The following FMN2 variants were observed in gnomAD, a reference collection of about 807,000 sequenced individuals.
FMN2 encodes formin 2.
In FMN2, 51 loss-of-function variants were observed where a neutral mutation model predicts 142.3. That is an observed-to-expected ratio of 0.36 (90% CI 0.29 to 0.45). The LOEUF (loss-of-function observed/expected upper bound fraction) is 0.45. FMN2 is among the 20% of genes least tolerant of loss of function. FMN2 has a pLI of 1.00. For missense variants in FMN2, 1,936 were observed against 2,122.8 expected (o/e 0.91, Z 1.73); for synonymous variants, 882 against 869.8 (o/e 1.01, Z -0.25).
chr1:240,352,068 G>A (rs545394590), intron 13 of FMN2, among the ~76,000 whole-genome samples: 2 of 152,314 alleles, frequency 1.3e-5, no homozygotes, highest in East Asian at 3.9e-4. Context: ...ATCAGTCAAG[G>A]TGAGAGATTA....
Position 240,295,227 on chromosome 1 carries a change from C to G in FMN2, c.4215+344C>G, listed in dbSNP as rs1225923116. ...ACACACACACACACACACACACACT[C>G]ACACACACTTAAAATTTTAAAATAT... is the stretch of plus-strand genomic sequence containing the variant. On this transcript the variant is annotated intron_variant, in intron 8 of 17. Coordinates refer to ENST00000319653, the MANE Select transcript of FMN2 (RefSeq NM_020066.5). Among the ~76,000 whole-genome samples, 3 of 144,930 alleles carry G rather than the reference C, an allele frequency of 2.1e-5. No homozygotes were observed. The East Asian group carries it at 6.3e-4, about 31-fold the overall frequency.
intron 7 of FMN2, among the ~76,000 whole-genome samples, chr1:240,266,020 C>T (rs114095041): frequency 7.3e-6 from 1 of 136,404 alleles, no homozygotes; most frequent in Non-Finnish European, 1.5e-5. Flanking sequence ...CTGTTACTTC[C>T]TTTTTTTTTT....
At position 240,329,119 on chromosome 1, in the gene FMN2, G is replaced by T; in HGVS notation, c.4259G>T (p.Arg1420Leu). ...CTCGAAAAAATAGAAAAGCATGGCC[G>T]ATCTTCCAAAGACAAGGAAAATGCC... Reference protein sequence around the residue: ...DELEKIEKHGRSSKDKENAKS... With the variant: ...DELEKIEKHGLSSKDKENAKS... Residue 1420 changes from arginine to leucine, a missense_variant, in exon 9 of 18, where the codon CGA becomes CTA. By Grantham distance (102) the Arg-to-Leu change is moderately radical (BLOSUM62 -2). Around this residue, in one of 8 missense-constraint regions of FMN2, gnomAD observed 322 missense variants for 401.6 expected, o/e 0.80. Coordinates refer to ENST00000319653, the MANE Select transcript of FMN2 (RefSeq NM_020066.5). 1 of 1,614,040 alleles carries T rather than the reference G, an allele frequency of 6.2e-7. No homozygotes were observed. The highest frequency in any genetic ancestry group is 8.5e-7 in the Non-Finnish European group (1 of 1,179,974).
rs1374599855 is a variant in FMN2 at position 240,334,236 on chromosome 1, T to G, written c.4765+7T>G. The stretch of plus-strand genomic sequence containing the variant: ...CTGAAGAAAGACTTGAAAGGTAACT[T>G]AAAATCCTGAACTCATGTTTTCTGT... On this transcript the variant is annotated splice_region_variant and intron_variant, in intron 13 of 17. Transcript: ENST00000319653. The G allele has an allele frequency of 1.3e-6, 2 of 1,588,086 alleles. No individual in the cohort carries two copies. The highest frequency in any genetic ancestry group is 1.7e-6 in the Non-Finnish European group (2 of 1,173,070).
intron 14 of FMN2, among the ~76,000 whole-genome samples, chr1:240,389,005 A>G (rs2103093371): frequency 6.6e-6 from 1 of 152,164 alleles, no homozygotes; most frequent in African/African-American, 2.4e-5. Flanking sequence ...GCTACCCTAT[A>G]ATTATCTTGA....
intron 16 of FMN2, 130 bp downstream of exon 16, chr1:240,438,340 G>A: frequency 1.0e-6 from 1 of 988,938 alleles, no homozygotes; most frequent in South Asian, 1.7e-5. Flanking sequence ...GCAAGTTGAA[G>A]AGGATGCTGA....
At chr1:240,415,453 A>G (rs558377420) in intron 15 of FMN2, among the ~76,000 whole-genome samples, 15 of 152,004 alleles carry the variant, frequency 9.9e-5, no homozygotes, top group Non-Finnish European at 2.2e-4. Context: ...GTTGATGGGT[A>G]CAGCAAACCA....
At chr1:240,213,026 C>T (rs1365881204) in intron 6 of FMN2, among the ~76,000 whole-genome samples, 1 of 152,128 alleles carries the variant, frequency 6.6e-6, no homozygotes, top group East Asian at 1.9e-4. Context: ...TTGCCCAAGA[C>T]TGTAGGATTT....
intron 2 of FMN2, chr1:240,145,076 C>T (rs574295603): frequency 1.9e-5 from 28 of 1,436,200 alleles, no homozygotes; most frequent in African/African-American, 5.5e-5. Context: ...ATAGTGTGGA[C>T]GCAGACATTT....
chr1:240,232,822 C>G (rs1341603263), intron 6 of FMN2, among the ~76,000 whole-genome samples: 1 of 152,182 alleles, frequency 6.6e-6, no homozygotes, highest in Non-Finnish European at 1.5e-5. Flanking sequence ...TAATAGTCTA[C>G]TATACATTTT....
At chr1:240,183,997 T>C (rs1382935908) in intron 3 of FMN2, among the ~76,000 whole-genome samples, 1 of 152,102 alleles carries the variant, frequency 6.6e-6, no homozygotes, top group Admixed American at 6.6e-5. Flanking sequence ...ATTTTGTATG[T>C]ATATTTTAAA....
intron 2 of FMN2, among the ~76,000 whole-genome samples, chr1:240,140,295 AATT>A (rs1663125807): frequency 6.6e-6 from 1 of 152,156 alleles, no homozygotes; most frequent in Admixed American, 6.5e-5. Flanking sequence ...AGCACTTTAC[AATT>A]ATTAACTGTT....
At position 240,371,943 on chromosome 1, in the gene FMN2, T is replaced by C. The variant is rs186766253; in HGVS notation, c.4858+16035T>C. On this transcript the variant is annotated intron_variant, in intron 14 of 17. Transcript: ENST00000319653. ...AACACTGCTAAACCATGTTAACTTATGAGAAGGGTCAGCTGGGCATGGTGG... is the reference window on the plus strand; with the variant it reads ...AACACTGCTAAACCATGTTAACTTACGAGAAGGGTCAGCTGGGCATGGTGG... 4.6e-3 allele frequency among the ~76,000 whole-genome samples: 701 copies of C among 152,208 alleles called. 4 individuals are homozygous for C. Among genetic ancestry groups the C allele is most frequent in the African/African-American group, 0.016 (660 of 41,524 alleles).
chr1:240,211,337 C>G (rs1296590795), intron 6 of FMN2, 102 bp downstream of exon 6: 2 of 1,134,446 alleles, frequency 1.8e-6, no homozygotes, highest in Non-Finnish European at 2.6e-6. Flanking sequence ...GTGTAAACCT[C>G]CATGGATCTT....
Position 240,208,469 on chromosome 1 carries a change from T to A in FMN2, c.3657T>A (p.Pro1219=), listed in dbSNP as rs762946862. The change falls in exon 5 of 18, where the codon CCT becomes CCA. Residue 1219 remains proline, a synonymous_variant. Transcript: ENST00000319653. The part of the protein sequence containing the change: ...PPPLPGMGIP[P]APAPPLPPPG... ...CCTTGCCAGGTATGGGGATTCCACC[T>A]GCTCCAGCTCCCCCACTCCCTCCAC... 8 of 1,608,848 alleles carry A rather than the reference T, an allele frequency of 5.0e-6. No individual in the cohort carries two copies. Among genetic ancestry groups the A allele is most frequent in the Non-Finnish European group, 6.8e-6 (8 of 1,178,324 alleles).
chr1:240,314,748 G>T (rs1451515880), intron 8 of FMN2, among the ~76,000 whole-genome samples: 1 of 152,080 alleles, frequency 6.6e-6, no homozygotes, highest in East Asian at 1.9e-4. Context: ...TTCTCAGGAG[G>T]TCTTTGCTCA....
intron 2 of FMN2, among the ~76,000 whole-genome samples, chr1:240,152,527 G>C (rs1663831756): frequency 1.3e-5 from 2 of 152,076 alleles, no homozygotes; most frequent in Admixed American, 1.3e-4. Context: ...CCTAGCAGTA[G>C]CATCATGCGG....
intron 1 of FMN2, among the ~76,000 whole-genome samples, chr1:240,113,117 C>T (rs1178195953): frequency 6.6e-6 from 1 of 151,964 alleles, no homozygotes; most frequent in East Asian, 1.9e-4. Context: ...ACATGTCTGT[C>T]TAGGAACAGT....
intron 14 of FMN2, among the ~76,000 whole-genome samples, chr1:240,361,209 A>G (rs1672471015): frequency 6.8e-6 from 1 of 147,702 alleles, no homozygotes; most frequent in African/African-American, 2.5e-5. Context: ...AAGGAAAAAA[A>G]CACGACACGA....
Sources: gnomAD v4.1 joint callset for allele counts (sites outside exome capture counted in the v4.1 genomes callset) on GRCh38, gnomAD v4.1.1 for gene constraint, gnomAD v4.1.1 regional missense constraint, MANE v1.5 for transcripts, NCBI Gene and HGNC (gene_info 2026-07-23, HGNC 2026-07-21) for gene names.